MYH9: variants seen among roughly 807,000 people sequenced by gnomAD.
The protein encoded by MYH9 is myosin-9.
In MYH9, 29 loss-of-function variants were observed where a neutral mutation model predicts 241.9. The ratio of observed to expected loss-of-function variants is 0.12; its 90% CI spans 0.09 to 0.16. The LOEUF (loss-of-function observed/expected upper bound fraction) is 0.16, where lower values mean the gene tolerates loss of function less well. MYH9 is among the 10% of genes least tolerant of loss of function. MYH9 has a pLI of 1.00. For missense variants in MYH9, 1,803 were observed against 2,595.5 expected, an observed-to-expected ratio of 0.69 and a Z score of 6.63; for synonymous variants, 1,047 against 1,062.6, an observed-to-expected ratio of 0.99 and a Z score of 0.29.
Position 36,305,902 on chromosome 22 carries a change from G to C in MYH9, c.2159+28C>G. On this transcript the variant is annotated intron_variant, in intron 17 of 40. Transcript: ENST00000216181. This position sits in a 1 kb window ranked among gnomAD's most constrained non-coding sequence, Gnocchi z 4.7. ...TCACTGCACGCACAGCAGGGCCCAG[G>C]AGAAGCGGGCTCCGGGCCCTGGCTC... 6.2e-7 allele frequency: 1 copy of C among 1,612,262 alleles called. No individual in the cohort carries two copies. Among genetic ancestry groups the C allele is most frequent in the Middle Eastern group, 1.7e-4 (1 of 5,994 alleles).
At chr22:36,353,009 G>C (rs35938088) in intron 1 of MYH9, among the ~76,000 whole-genome samples, 23,118 of 152,062 alleles carry the variant, frequency 0.15, 2,146 homozygotes, top group African/African-American at 0.25. Flanking sequence ...AGCCCCCTCG[G>C]CCACCTGGGC....
chr22:36,287,819 C>T (rs963073850), intron 34 of MYH9, among the ~76,000 whole-genome samples: 1 of 152,180 alleles, frequency 6.6e-6, no homozygotes. Flanking sequence ...GCTGTTTTTA[C>T]GTGTTAATTA....
rs774865849 is a variant in MYH9 at position 36,306,441 on chromosome 22, G to A, written c.2010C>T (p.Arg670=). Residue 670 remains arginine (R), a synonymous_variant, in exon 16 of 41, where the codon CGC becomes CGT. Transcript: ENST00000216181. The surrounding 1 kb of genome is among the most constrained non-coding windows in gnomAD (Gnocchi z 4.1). ...TCTTCTCGTGGTTGGGGATGATGCA[G>A]CGGACAAAGTTGGGGTTCGTGTTCC... ...TLRNTNPNFV[R]CIIPNHEKKA... 6.2e-7 allele frequency: 1 copy of A among 1,614,160 alleles called. No homozygotes were observed. The highest frequency in any genetic ancestry group is 2.2e-5 in the East Asian group (1 of 44,880).
Position 36,306,342 on chromosome 22 carries a change from G to T in MYH9, c.2037+72C>A, listed in dbSNP as rs1255392453. 3 of 1,580,606 alleles carry T rather than the reference G, an allele frequency of 1.9e-6. No homozygotes were observed. In the African/African-American group the frequency reaches 4.0e-5, roughly 21 times the overall value. ...GGGGGGCTGGAGGGGTGCTTTTGCT[G>T]GGGAGACAGACAAGGGCTGAGCACC... On this transcript the variant is annotated intron_variant, in intron 16 of 40. Coordinates refer to ENST00000216181, the MANE Select transcript of MYH9 (RefSeq NM_002473.6). The surrounding 1 kb of genome is among the most constrained non-coding windows in gnomAD (Gnocchi z 4.1).
chr22:36,287,902 G>A (rs945756800), intron 34 of MYH9, among the ~76,000 whole-genome samples: 2 of 152,148 alleles, frequency 1.3e-5, no homozygotes, highest in African/African-American at 2.4e-5. Flanking sequence ...TGGAACCATC[G>A]CCCCAGAGCC....
rs780265266 is a variant in MYH9 at position 36,289,313 on chromosome 22, G to A, written c.4345-16C>T. ...CCGCCAGGAGCTGGGAAAGAGGTGGGCACCATGAGGCTCAGAGCTACGGCC... is the reference window on the plus strand; with the variant it reads ...CCGCCAGGAGCTGGGAAAGAGGTGGACACCATGAGGCTCAGAGCTACGGCC... On this transcript the variant is annotated splice_polypyrimidine_tract_variant and intron_variant, in intron 31 of 40. Transcript: ENST00000216181. 5.6e-6 allele frequency: 9 copies of A among 1,597,814 alleles called. No homozygotes were observed. The Admixed American group carries it at 1.4e-4, about 24-fold the overall frequency.
Position 36,300,192 on chromosome 22 carries a change from C to A in MYH9, c.2911G>T (p.Ala971Ser), listed in dbSNP as rs751639664. 1.2e-6 allele frequency: 2 copies of A among 1,613,404 alleles called. No individual in the cohort carries two copies. Among genetic ancestry groups the A allele is most frequent in the African/African-American group, 2.7e-5 (2 of 74,942 alleles). Reference sequence around the variant, plus strand: ...TCCTCCTCCAGCTTTTTCAGCTTCGCCTCGGTGGTCACCTTCTCCAGCTGC... The same window carrying A: ...TCCTCCTCCAGCTTTTTCAGCTTCGACTCGGTGGTCACCTTCTCCAGCTGC... ...KLQLEKVTTE[A>S]KLKKLEEEQI... Residue 971 changes from alanine to serine, a missense_variant, in exon 23 of 41, where the codon GCG becomes TCG. By Grantham distance (99) the Ala-to-Ser change is moderately conservative. Transcript: ENST00000216181. The surrounding 1 kb of genome is among the most constrained non-coding windows in gnomAD (Gnocchi z 5.0).
chr22:36,325,167 G>GGA (rs140194654), intron 5 of MYH9: 46 of 736,488 alleles, frequency 6.2e-5, no homozygotes, highest in Non-Finnish European at 8.6e-5. Flanking sequence ...AGAGAGGGAT[G>GGA]GAGAGAGAGA....
intron 5 of MYH9, among the ~76,000 whole-genome samples, chr22:36,324,297 A>T (rs1350764960): frequency 1.3e-5 from 2 of 152,256 alleles, no homozygotes; most frequent in Non-Finnish European, 2.9e-5. Context: ...TTGGGCACAG[A>T]AGAGATTTTA....
rs374045897 is a variant in MYH9 at position 36,301,683 on chromosome 22, G to C, written c.2500-18C>G. ...GGCTTGACCTGGGAGAGGAGATAGA[G>C]GTAGAGACATGCTCGGCTGGAAGAT... On this transcript the variant is annotated intron_variant, in intron 20 of 40. Coordinates refer to ENST00000216181, the MANE Select transcript of MYH9 (RefSeq NM_002473.6). 1 of 1,612,238 alleles carries C rather than the reference G, an allele frequency of 6.2e-7. No homozygotes were observed. Among genetic ancestry groups the C allele is most frequent in the Non-Finnish European group, 8.5e-7 (1 of 1,179,940 alleles).
Position 36,293,771 on chromosome 22 carries a change from C to A in MYH9, c.3930G>T (p.Leu1310=), listed in dbSNP as rs1419860560. Residue 1310 remains leucine (L), a synonymous_variant, in exon 29 of 41, where the codon CTG becomes CTT. Transcript: ENST00000216181. The surrounding 1 kb of genome is among the most constrained non-coding windows in gnomAD (Gnocchi z 5.1). ...GCGCCACCCCTACCTGAGTGTCCTG[C>A]AGCTGGGACTCCAGCGCGGAGAAGT... ...TKDFSALESQ[L]QDTQELLQEE... The A allele has an allele frequency of 6.2e-7, 1 of 1,613,826 alleles. No homozygotes were observed. The highest frequency in any genetic ancestry group is 8.5e-7 in the Non-Finnish European group (1 of 1,179,984).
chr22:36,313,662 TTTTATGGGGGGGATGAGCTGA>T (rs1330114079), intron 13 of MYH9, among the ~76,000 whole-genome samples: 2 of 102,888 alleles, frequency 1.9e-5, no homozygotes, highest in African/African-American at 5.3e-5. Context: ...TGCTTGCTGG[TTTTATGGGGGGGATGAGCTGA>T]GCTTTGGTAC....
chr22:36,357,144 C>T (rs370436708), intron 1 of MYH9, among the ~76,000 whole-genome samples: 4 of 152,086 alleles, frequency 2.6e-5, no homozygotes, highest in South Asian at 4.1e-4. Context: ...ACTGACTCAG[C>T]GAAGAAGAGG....
intron 14 of MYH9, among the ~76,000 whole-genome samples, chr22:36,309,769 T>C (rs1169009691): frequency 1.3e-5 from 2 of 152,258 alleles, no homozygotes; most frequent in Non-Finnish European, 2.9e-5. Context: ...TTCTTTTTAG[T>C]CATAAGACAA....
At position 36,285,950 on chromosome 22, in the gene MYH9, G is replaced by A; in HGVS notation, c.5065C>T (p.Leu1689=). The A allele has an allele frequency of 2.5e-6, 4 of 1,609,308 alleles. No homozygotes were observed. Among genetic ancestry groups the A allele is most frequent in the Non-Finnish European group, 1.7e-6 (2 of 1,179,898 alleles). Residue 1689 remains leucine (L), a synonymous_variant, in exon 36 of 41, where the codon CTG becomes TTG. Transcript: ENST00000216181. The surrounding 1 kb of genome is among the most constrained non-coding windows in gnomAD (Gnocchi z 7.0). ...EAEMIQLQEE[L]AAAERAKRQA... ...CGCTTGGCACGCTCCGCGGCTGCCA[G>A]TTCCTGCCACAAAGACCCAGAGTGT...
chr22:36,364,097 G>A (rs2017974560), intron 1 of MYH9, among the ~76,000 whole-genome samples: 1 of 152,180 alleles, frequency 6.6e-6, no homozygotes, highest in Non-Finnish European at 1.5e-5. Flanking sequence ...TCCACATCAC[G>A]ACTGCTGAGA....
At chr22:36,380,593 T>C (rs1303489647) in intron 1 of MYH9, among the ~76,000 whole-genome samples, 1 of 151,850 alleles carries the variant, frequency 6.6e-6, no homozygotes, top group South Asian at 2.1e-4. Flanking sequence ...ATACAAAAAT[T>C]AGCCAGGCGT....
In MYH9 at chr22:36,318,609, T is replaced by C. The variant is rs368900942; in HGVS notation, c.1109-284A>G. On this transcript the variant is annotated intron_variant, in intron 10 of 40. Coordinates refer to ENST00000216181, the MANE Select transcript of MYH9 (RefSeq NM_002473.6). ...GCCCCACGGGGCAGAGAGGAAGGCG[T>C]CCTGGCTGGAGGCCACAGCGGCAGC... is the stretch of plus-strand genomic sequence containing the variant. Among the ~76,000 whole-genome samples the C allele has an allele frequency of 1.5e-3, 222 of 152,134 alleles. 1 individual carries two copies. Among genetic ancestry groups the C allele is most frequent in the South Asian group, 0.011 (54 of 4,802 alleles).
intron 14 of MYH9, 37 bp from the exon 15 acceptor site, chr22:36,309,433 C>A: frequency 6.6e-7 from 1 of 1,511,430 alleles, no homozygotes; most frequent in Non-Finnish European, 9.2e-7. Flanking sequence ...ACAAGCTGCG[C>A]TGGGGACATG....
Sources: gnomAD v4.1 joint callset for allele counts (sites outside exome capture counted in the v4.1 genomes callset) on GRCh38, gnomAD v4.1.1 for gene constraint, Gnocchi (gnomAD v3.1) non-coding constraint, MANE v1.5 for transcripts, NCBI Gene and HGNC (gene_info 2026-07-23, HGNC 2026-07-21) for gene names.